The following AOPEP variants were observed in gnomAD, a reference collection of about 807,000 sequenced individuals.
AOPEP encodes the protein aminopeptidase O.
AOPEP carries 77 observed loss-of-function variants against 98.1 expected under a neutral mutation model. That is an observed-to-expected ratio of 0.78 (90% CI 0.65 to 0.95). AOPEP has a LOEUF of 0.95. Among genes scored for constraint, AOPEP ranks in the 40% least tolerant of loss-of-function variants. The probability of loss-of-function intolerance (pLI) is 0.00; values close to 1 mark genes in which losing one functional copy is unlikely to be tolerated. For missense variants in AOPEP, 1,024 were observed against 1,024.7 expected (o/e 1.00, Z 0.01); for synonymous variants, 346 against 365.3 (o/e 0.95, Z 0.60).
Position 94,956,010 on chromosome 9 carries a change from T to A in AOPEP, c.1867T>A (p.Ser623Thr). 2 of 1,606,898 alleles carry A rather than the reference T, an allele frequency of 1.2e-6. No homozygotes were observed. Among genetic ancestry groups the A allele is most frequent in the Non-Finnish European group, 1.7e-6 (2 of 1,173,848 alleles). Residue 623 changes from serine (S) to threonine (T), a missense_variant, in exon 9 of 17, where the codon TCC becomes ACC. Transcript: ENST00000375315. ...CACATTTCATGGACAGCTGATTCTT[T>A]CCCAGGTAACTTATGGGTCCTCATG... ...VHTFHGQLILSQDFLQMLLEN... is the reference protein window; with the variant it reads ...VHTFHGQLILTQDFLQMLLEN...
rs2044306804 is a variant in AOPEP, at chr9:94,857,024, TAAAAG to T, written c.1364+56023_1364+56027del. 2.0e-5 allele frequency among the ~76,000 whole-genome samples: 3 copies of T among 152,374 alleles called. No individual in the cohort carries two copies. The South Asian group carries it at 6.2e-4, about 32-fold the overall frequency. On this transcript the variant is annotated intron_variant, in intron 5 of 16. Coordinates refer to ENST00000375315, the MANE Select transcript of AOPEP (RefSeq NM_001193329.3). ...GTCTATAAAATGGGGCTGTTGAACT[TAAAAG>T]TTCTTTCCTGCTCTGGACATATTAT...
intron 5 of AOPEP, among the ~76,000 whole-genome samples, chr9:94,861,630 T>C (rs535732357): frequency 6.6e-6 from 1 of 152,360 alleles, no homozygotes; most frequent in Admixed American, 6.5e-5. Flanking sequence ...TGAGCTGTTT[T>C]AGGCCCATTT....
chr9:94,948,586 G>A (rs957805690), intron 7 of AOPEP, among the ~76,000 whole-genome samples: 2 of 151,850 alleles, frequency 1.3e-5, no homozygotes, highest in African/African-American at 2.4e-5. Flanking sequence ...GATCCTCCCC[G>A]CAGAGATCTG....
At chr9:95,003,142 A>ATGTGTGTG (rs139797365) in intron 11 of AOPEP, among the ~76,000 whole-genome samples, 3,530 of 149,422 alleles carry the variant, frequency 0.024, 141 homozygotes, top group African/African-American at 0.083. Flanking sequence ...AGAATTAAGA[A>ATGTGTGTG]TGTGTGTGTG....
intron 11 of AOPEP, among the ~76,000 whole-genome samples, chr9:94,995,512 G>A (rs914859734): frequency 6.6e-6 from 1 of 152,068 alleles, no homozygotes; most frequent in African/African-American, 2.4e-5. Flanking sequence ...CCATGGCTTT[G>A]TACTGAAACA....
At chr9:94,931,512 A>G (rs1588951061) in intron 7 of AOPEP, among the ~76,000 whole-genome samples, 1 of 152,188 alleles carries the variant, frequency 6.6e-6, no homozygotes, top group African/African-American at 2.4e-5. Context: ...TTAAATGGAC[A>G]CAGAGAACCT....
At chr9:95,067,415 T>G (rs1276951642) in intron 14 of AOPEP, among the ~76,000 whole-genome samples, 1 of 152,218 alleles carries the variant, frequency 6.6e-6, no homozygotes, top group Admixed American at 6.5e-5. Context: ...TCTCTGCATA[T>G]TGCTTTGCTG....
In AOPEP at chr9:94,923,973, C is replaced by T; in HGVS notation, c.1365-13C>T. The stretch of plus-strand genomic sequence containing the variant: ...AACAAGACTCTGTGCATTTTCTCCC[C>T]CATTATCCACAGCCCACACATCATG... On this transcript the variant is annotated splice_polypyrimidine_tract_variant and intron_variant, in intron 5 of 16. Transcript: ENST00000375315. 2 of 1,390,138 alleles carry T rather than the reference C, an allele frequency of 1.4e-6. No homozygotes were observed. Among genetic ancestry groups the T allele is most frequent in the Non-Finnish European group, 1.9e-6 (2 of 1,060,726 alleles). 86.1% of individuals were successfully genotyped at this position (1,390,138 alleles called of 1,614,324 possible).
At chr9:94,749,098 A>C (rs978005850) in intron 1 of AOPEP, among the ~76,000 whole-genome samples, 1 of 152,262 alleles carries the variant, frequency 6.6e-6, no homozygotes, top group Admixed American at 6.5e-5. Flanking sequence ...CTCTCCCTTC[A>C]TGATTATTTG....
At chr9:94,945,885 T>C (rs1424455072) in intron 7 of AOPEP, among the ~76,000 whole-genome samples, 1 of 152,166 alleles carries the variant, frequency 6.6e-6, no homozygotes, top group Non-Finnish European at 1.5e-5. Context: ...TTGCTTCCAG[T>C]AATTTTCAGG....
intron 12 of AOPEP, 80 bp from the exon 13 acceptor site, chr9:95,005,462 G>C (rs1017435025): frequency 2.2e-6 from 3 of 1,359,302 alleles, no homozygotes; most frequent in East Asian, 2.3e-5. Context: ...CGAGGCCGGG[G>C]GTCTCTGCTT....
the AOPEP span, among the ~76,000 whole-genome samples, chr9:95,117,723 ATTT>A: frequency 7.3e-6 from 1 of 136,816 alleles, no homozygotes. Flanking sequence ...GTATTTCAGC[ATTT>A]TTTTTTTTTT....
intron 2 of AOPEP, among the ~76,000 whole-genome samples, chr9:94,762,465 AAG>A (rs1310191317): frequency 6.6e-6 from 1 of 152,078 alleles, no homozygotes; most frequent in Non-Finnish European, 1.5e-5. Context: ...AAAAAAAAAA[AAG>A]AAATTAAAGA....
At chr9:95,065,387 G>C (rs2067774871) in intron 14 of AOPEP, 1 of 152,262 alleles carries the variant, frequency 6.6e-6, no homozygotes, top group Non-Finnish European at 1.5e-5. Flanking sequence ...TGCCCCGTAG[G>C]ACACCGAGGC....
chr9:95,003,551 C>A (rs1423581245), intron 11 of AOPEP, among the ~76,000 whole-genome samples: 2 of 152,200 alleles, frequency 1.3e-5, no homozygotes, highest in African/African-American at 4.8e-5. Flanking sequence ...GTTTAAAGTT[C>A]TCTTTCCCTT....
chr9:95,121,736 GCTC>G, the AOPEP span, among the ~76,000 whole-genome samples: 1,610 of 152,214 alleles, frequency 0.011, 28 homozygotes, highest in African/African-American at 0.037. Context: ...AGAGTATGCT[GCTC>G]CTGTTTGTTT....
intron 10 of AOPEP, 133 bp downstream of exon 10, chr9:94,967,934 C>A: frequency 1.4e-6 from 1 of 736,104 alleles, no homozygotes; most frequent in Non-Finnish European, 2.4e-6. Context: ...CCTAGTTCTG[C>A]CAGTGGGAGT....
At chr9:94,770,191 T>G (rs1297735943) in intron 2 of AOPEP, among the ~76,000 whole-genome samples, 1 of 152,196 alleles carries the variant, frequency 6.6e-6, no homozygotes, top group Non-Finnish European at 1.5e-5. Context: ...ATTAAACAGG[T>G]GCATGCCCTC....
intron 5 of AOPEP, among the ~76,000 whole-genome samples, chr9:94,870,348 G>A (rs2046208926): frequency 6.6e-6 from 1 of 152,176 alleles, no homozygotes; most frequent in African/African-American, 2.4e-5. Flanking sequence ...TTTTTTTAAG[G>A]AGAAGAGTAT....
Sources: gnomAD v4.1 joint callset for allele counts (sites outside exome capture counted in the v4.1 genomes callset) on GRCh38, gnomAD v4.1.1 for gene constraint, MANE v1.5 for transcripts, NCBI Gene and HGNC (gene_info 2026-07-23, HGNC 2026-07-21) for gene names.